SCNN1G: variants seen among roughly 807,000 people sequenced by gnomAD.
SCNN1G encodes the protein sodium channel epithelial 1 subunit gamma.
Under a neutral mutation model 64.6 loss-of-function variants are expected in SCNN1G, and 27 were observed. The ratio of observed to expected loss-of-function variants is 0.42; its 90% CI spans 0.31 to 0.58. The LOEUF (loss-of-function observed/expected upper bound fraction) is 0.58, where lower values mean the gene tolerates loss of function less well. SCNN1G is among the 20% of genes least tolerant of loss of function. SCNN1G has a pLI of 0.18. For missense variants in SCNN1G, 743 were observed against 823.4 expected (o/e 0.90, Z 1.19); for synonymous variants, 330 against 314.2 (o/e 1.05, Z -0.53).
intron 7 of SCNN1G, 59 bp from the exon 8 acceptor site, chr16:23,211,975 A>C: frequency 3.2e-6 from 4 of 1,264,160 alleles, no homozygotes; most frequent in Non-Finnish European, 2.3e-6. Flanking sequence ...GATGTGCAGG[A>C]AACTCCCTGA....
intron 6 of SCNN1G, among the ~76,000 whole-genome samples, chr16:23,202,903 G>A (rs186215826): frequency 2.0e-5 from 3 of 152,290 alleles, no homozygotes; most frequent in Admixed American, 6.5e-5. Flanking sequence ...ATGCCTTTGA[G>A]AAGTCAAGGT....
At chr16:23,185,880 G>A (rs1959597547) in intron 1 of SCNN1G, among the ~76,000 whole-genome samples, 1 of 152,142 alleles carries the variant, frequency 6.6e-6, no homozygotes, top group Non-Finnish European at 1.5e-5. Context: ...CCTGATAAGA[G>A]AGCTGATGGG....
Position 23,197,443 on chromosome 16 carries a change from C to T in SCNN1G, c.1077+16C>T. The T allele has an allele frequency of 6.2e-7, 1 of 1,608,756 alleles. No individual in the cohort carries two copies. Among genetic ancestry groups the T allele is most frequent in the Admixed American group, 1.7e-5 (1 of 60,004 alleles). ...AATGCACCTGGTAAGAGAATATTCT[C>T]ATTTCCATAGGCTTGGAGAGAACAG... is the stretch of plus-strand genomic sequence containing the variant. On this transcript the variant is annotated intron_variant, in intron 6 of 12. Coordinates refer to ENST00000300061, the MANE Select transcript of SCNN1G (RefSeq NM_001039.4).
chr16:23,184,331 G>A (rs933311527), intron 1 of SCNN1G, among the ~76,000 whole-genome samples: 18 of 152,218 alleles, frequency 1.2e-4, no homozygotes, highest in Admixed American at 1.0e-3. Flanking sequence ...AACATTCACA[G>A]AGGAGGGCTG....
chr16:23,187,277 A>T (rs996096826), intron 2 of SCNN1G, among the ~76,000 whole-genome samples: 1 of 151,540 alleles, frequency 6.6e-6, no homozygotes, highest in Non-Finnish European at 1.5e-5. Flanking sequence ...TCCAGCTAAA[A>T]TTTTTTATTT....
rs991831022 is a variant in SCNN1G, at chr16:23,190,844, T to G, written c.618+1173T>G. 5.2e-5 allele frequency among the ~76,000 whole-genome samples: 7 copies of G among 133,828 alleles called. 1 individual carries two copies. Among genetic ancestry groups the G allele is most frequent in the Non-Finnish European group, 1.1e-4 (7 of 62,316 alleles). 87.8% of individuals were successfully genotyped at this position (133,828 alleles called of 152,430 possible). On this transcript the variant is annotated intron_variant, in intron 3 of 12. Coordinates refer to ENST00000300061, the MANE Select transcript of SCNN1G (RefSeq NM_001039.4). ...CCATTTGAGGGGATTTTTTTTTTTT[T>G]TTTTTTTTTTTTTTTTTGAGACAGA...
chr16:23,188,085 G>T (rs1282767442), intron 2 of SCNN1G, among the ~76,000 whole-genome samples: 1 of 151,808 alleles, frequency 6.6e-6, no homozygotes, highest in Admixed American at 6.6e-5. Flanking sequence ...AATTTACTCA[G>T]CATCTATAAA....
rs896632639 is a variant in SCNN1G at position 23,215,460 on chromosome 16, T to C, written c.1941T>C (p.Asp647=). 1 of 1,609,766 alleles carries C rather than the reference T, an allele frequency of 6.2e-7. No homozygotes were observed. Among genetic ancestry groups the C allele is most frequent in the Non-Finnish European group, 8.5e-7 (1 of 1,179,888 alleles). ...AGCTCACAGATACCCAGATGCTGGA[T>C]GAGCTCTGAGGCAGGGTTGAGAAGA... is the stretch of plus-strand genomic sequence containing the variant. ...SNQLTDTQML[D]EL The change falls in exon 13 of 13, where the codon GAT becomes GAC. Residue 647 remains aspartate (D), a synonymous_variant. Transcript: ENST00000300061.
chr16:23,199,262 A>G (rs1596769064), intron 6 of SCNN1G, among the ~76,000 whole-genome samples: 1 of 152,342 alleles, frequency 6.6e-6, no homozygotes, highest in African/African-American at 2.4e-5. Context: ...ACTTAATGCT[A>G]TAGCTGGGAA....
At chr16:23,195,800 A>G (rs1959787058) in intron 5 of SCNN1G, 1 of 152,170 alleles carries the variant, frequency 6.6e-6, no homozygotes, top group Non-Finnish European at 1.5e-5. Context: ...ATCGTTTGCA[A>G]TTGTTTACCA....
intron 1 of SCNN1G, among the ~76,000 whole-genome samples, chr16:23,184,895 A>C (rs1264962763): frequency 6.6e-6 from 1 of 152,174 alleles, no homozygotes. Flanking sequence ...TCACTGTAGA[A>C]GGCATAGGAC....
At chr16:23,208,294 C>A (rs148502589) in intron 6 of SCNN1G, among the ~76,000 whole-genome samples, 1 of 151,954 alleles carries the variant, frequency 6.6e-6, no homozygotes, top group East Asian at 1.9e-4. Flanking sequence ...CTGTAGTGAC[C>A]CTTGATTGTG....
At chr16:23,195,077 C>T (rs1959774697) in intron 5 of SCNN1G, 1 of 152,164 alleles carries the variant, frequency 6.6e-6, no homozygotes, top group Non-Finnish European at 1.5e-5. Flanking sequence ...CTGATCAGGA[C>T]ATCAATCCTA....
At chr16:23,197,865 C>A (rs1167619522) in intron 6 of SCNN1G, among the ~76,000 whole-genome samples, 1 of 132,876 alleles carries the variant, frequency 7.5e-6, no homozygotes, top group Non-Finnish European at 1.6e-5. Flanking sequence ...AGCAACAGAG[C>A]AAGACTCCAT....
At chr16:23,192,071 C>T (rs1286024545) in intron 3 of SCNN1G, among the ~76,000 whole-genome samples, 1 of 138,538 alleles carries the variant, frequency 7.2e-6, no homozygotes, top group Non-Finnish European at 1.6e-5. Context: ...TGCCTAGGGA[C>T]CCTGAAGAGC....
chr16:23,188,590 T>C (rs942348643), intron 2 of SCNN1G, among the ~76,000 whole-genome samples: 1 of 152,200 alleles, frequency 6.6e-6, no homozygotes, highest in Non-Finnish European at 1.5e-5. Flanking sequence ...AATAAACTCA[T>C]TGAACCTTCC....
chr16:23,209,802 G>T lies in SCNN1G; in HGVS notation c.1130G>T (p.Ser377Ile). The change falls in exon 7 of 13, where the codon AGT (serine) becomes ATT (isoleucine). Residue 377 changes from serine (S) to isoleucine (I), a missense_variant. Ser to Ile is a moderately radical substitution (Grantham distance 142). Transcript: ENST00000300061. ...TACAGTCAGTGCACGGAGGACGGGA[G>T]TGACGTGCCAATCAGGAACATCTAC... ...EPYSQCTEDG[S>I]DVPIRNIYNA... 6.2e-7 allele frequency: 1 copy of T among 1,614,108 alleles called. No homozygotes were observed.
At position 23,216,845 on chromosome 16, in the gene SCNN1G, C is replaced by T. The variant is rs1960164961; in HGVS notation, c.*1376C>T. On this transcript the variant is annotated 3_prime_UTR_variant, in exon 13 of 13. Transcript: ENST00000300061. ...TGAAAATGATATGAGATTCGAATTC[C>T]AGTGTCTATAAATAAAGTTTTATTG... The T allele has an allele frequency of 1.3e-5, 2 of 152,156 alleles. No homozygotes were observed. The allele number at this position is 152,156 out of a possible 1,614,324, so 9.4% of individuals were successfully genotyped here. A position where few individuals can be genotyped will look rare whatever the true frequency, so the allele number is the denominator to read the frequency against.
intron 12 of SCNN1G, 73 bp from the exon 13 acceptor site, chr16:23,215,016 G>A: frequency 6.3e-7 from 1 of 1,576,502 alleles, no homozygotes; most frequent in Non-Finnish European, 8.7e-7. Flanking sequence ...GCTCCCTTGG[G>A]AATCAGGGTT....
Sources: gnomAD v4.1 joint callset for allele counts (sites outside exome capture counted in the v4.1 genomes callset) on GRCh38, gnomAD v4.1.1 for gene constraint, MANE v1.5 for transcripts, NCBI Gene and HGNC (gene_info 2026-07-23, HGNC 2026-07-21) for gene names.